The following WDCP variants were observed in gnomAD, a reference collection of about 807,000 sequenced individuals.
WDCP encodes WD repeat and coiled-coil-containing protein.
Under a neutral mutation model 41.6 loss-of-function variants are expected in WDCP, and 19 were observed. The observed-to-expected ratio is 0.46, with a 90% CI of 0.32 to 0.67. The LOEUF (loss-of-function observed/expected upper bound fraction) is 0.67, where lower values mean the gene tolerates loss of function less well. Ranked by LOEUF, WDCP falls within the 30% of genes least tolerant of loss-of-function variation. The pLI, the probability that WDCP is intolerant of heterozygous loss-of-function variation, is 0.04. For missense variants in WDCP, 802 were observed against 850.7 expected (o/e 0.94, Z 0.71); for synonymous variants, 302 against 320.8 (o/e 0.94, Z 0.63).
In WDCP at chr2:24,030,771, G is replaced by A. The variant is rs1439224863; in HGVS notation, c.*162C>T. ...AGACTGAGCTCTGCTACACAGCAGC[G>A]AGCCTCAGCTCAGGGGAAACAGGGG... On this transcript the variant is annotated 3_prime_UTR_variant, in exon 4 of 4. Coordinates refer to ENST00000295148, the MANE Select transcript of WDCP (RefSeq NM_025203.3). 1.3e-5 allele frequency: 8 copies of A among 614,772 alleles called. 1 individual carries two copies. The highest frequency in any genetic ancestry group is 6.0e-5 in the Admixed American group (2 of 33,436). 38.1% of individuals were successfully genotyped at this position (614,772 alleles called of 1,614,324 possible). A position where few individuals can be genotyped will look rare whatever the true frequency, so the allele number is the denominator to read the frequency against.
Position 24,037,709 on chromosome 2 carries a change from G to C in WDCP, c.1786C>G (p.Gln596Glu). 1 of 1,613,572 alleles carries C rather than the reference G, an allele frequency of 6.2e-7. No homozygotes were observed. The highest frequency in any genetic ancestry group is 8.5e-7 in the Non-Finnish European group (1 of 1,179,860). ...ATGATGTGAACATAAGGAAGATCTT[G>C]AGAGAGTGGATACACTGAAGAGGAT... ...KKSSSVYPLS[Q>E]DLPYVHIIYQ... is the part of the protein sequence containing the mutation. The change falls in exon 2 of 4, where the codon CAA becomes GAA. Residue 596 changes from glutamine (Q) to glutamate (E), a missense_variant. Transcript: ENST00000295148.
chr2:24,046,571 C>T (rs1663632808), intron 1 of WDCP, among the ~76,000 whole-genome samples: 1 of 152,196 alleles, frequency 6.6e-6, no homozygotes, highest in South Asian at 2.1e-4. Flanking sequence ...AAAGACAACT[C>T]ATGACGAGAA....
chr2:24,040,642 A>G (rs1211127900), intron 1 of WDCP, among the ~76,000 whole-genome samples: 1 of 152,262 alleles, frequency 6.6e-6, no homozygotes. Context: ...TTTTAAAATA[A>G]TGTAAAGTAG....
chr2:24,035,176 A>C (rs1228170575), intron 2 of WDCP, among the ~76,000 whole-genome samples: 1 of 151,862 alleles, frequency 6.6e-6, no homozygotes, highest in African/African-American at 2.4e-5. Flanking sequence ...CAACAAGTAT[A>C]TATTACTTTT....
Position 24,040,811 on chromosome 2 carries a change from G to T in WDCP, c.-18-1299C>A, listed in dbSNP as rs141220738. Among the ~76,000 whole-genome samples the T allele has an allele frequency of 3.2e-3, 482 of 152,246 alleles. 1 individual carries two copies. The highest frequency in any genetic ancestry group is 0.011 in the African/African-American group (463 of 41,532). ...ACGGGAGGATCACCTGAGGTTGGGA[G>T]TTCGATCCCAGCCTGACCAACATGC... is the stretch of plus-strand genomic sequence containing the variant. On this transcript the variant is annotated intron_variant, in intron 1 of 3. Transcript: ENST00000295148.
chr2:24,039,096 A>T lies in WDCP; in HGVS notation c.399T>A (p.Ala133=), dbSNP rs1274895687. The change falls in exon 2 of 4, where the codon GCT becomes GCA. Residue 133 remains alanine (A), a synonymous_variant. Transcript: ENST00000295148. ...PKCAILTVLT[A]QDVSIFPNVH... ...CATTAGGGAAAATGGAGACATCCTG[A>T]GCAGTCAACACAGTCAGAATAGCAC... The T allele has an allele frequency of 1.2e-6, 2 of 1,614,218 alleles. No individual in the cohort carries two copies. Among genetic ancestry groups the T allele is most frequent in the Non-Finnish European group, 1.7e-6 (2 of 1,180,040 alleles).
In WDCP at chr2:24,039,189, C is replaced by T. The variant is rs748886296; in HGVS notation, c.306G>A (p.Thr102=). The T allele has an allele frequency of 1.1e-5, 17 of 1,614,110 alleles. No homozygotes were observed. The African/African-American group carries it at 1.2e-4, about 11-fold the overall frequency. ...PSPMESSKWL[T]SQTCEIRGSL... is the part of the protein sequence containing the mutation. ...ATCCTCTAATCTCACAAGTCTGAGA[C>T]GTCAGCCATTTGCTTGACTCCATAG... is the stretch of plus-strand genomic sequence containing the variant. Residue 102 remains threonine (T), a synonymous_variant, in exon 2 of 4, where the codon ACG becomes ACA. Coordinates refer to ENST00000295148, the MANE Select transcript of WDCP (RefSeq NM_025203.3).
intron 2 of WDCP, among the ~76,000 whole-genome samples, chr2:24,036,051 G>A (rs1663243033): frequency 6.9e-6 from 1 of 145,408 alleles, no homozygotes; most frequent in Admixed American, 6.9e-5. Context: ...CCTGGTGACA[G>A]AGACTCCGTC....
At chr2:24,034,730 C>T (rs892544097) in intron 2 of WDCP, among the ~76,000 whole-genome samples, 5 of 151,876 alleles carry the variant, frequency 3.3e-5, no homozygotes, top group Admixed American at 1.3e-4. Flanking sequence ...GGTGCCATCA[C>T]GGCTGGCTAA....
intron 1 of WDCP, 71 bp from the exon 2 acceptor site, chr2:24,039,583 A>G: frequency 7.1e-7 from 1 of 1,407,286 alleles, no homozygotes; most frequent in South Asian, 1.3e-5. Context: ...ACATTTGGTA[A>G]GACAACGGCT....
chr2:24,043,491 T>TAAAAC (rs70944709), intron 1 of WDCP, among the ~76,000 whole-genome samples: 46,107 of 151,010 alleles, frequency 0.31, 7,869 homozygotes, highest in African/African-American at 0.47. Flanking sequence ...TGTCTCTACT[T>TAAAAC]AAAACAAAAC....
chr2:24,042,184 G>A (rs377299840), intron 1 of WDCP, among the ~76,000 whole-genome samples: 31 of 151,910 alleles, frequency 2.0e-4, no homozygotes, highest in African/African-American at 7.0e-4. Flanking sequence ...GGCAGATCAC[G>A]TGAGGTCAGG....
At position 24,030,407 on chromosome 2, in the gene WDCP, C is replaced by T. The variant is rs1273602761; in HGVS notation, c.*526G>A. 3 of 152,302 alleles carry T rather than the reference C, an allele frequency of 2.0e-5. No homozygotes were observed. The highest frequency in any genetic ancestry group is 4.4e-5 in the Non-Finnish European group (3 of 68,130). The allele number at this position is 152,302 out of a possible 1,614,324, so 9.4% of individuals were successfully genotyped here. A position where few individuals can be genotyped will look rare whatever the true frequency, so the allele number is the denominator to read the frequency against. On this transcript the variant is annotated 3_prime_UTR_variant, in exon 4 of 4. Coordinates refer to ENST00000295148, the MANE Select transcript of WDCP (RefSeq NM_025203.3). ...GGTCCAGGCAACATCAGAGCCACTTCCTGTTCCTGAGAGCAGAAGCCAGTG... is the reference window on the plus strand; with the variant it reads ...GGTCCAGGCAACATCAGAGCCACTTTCTGTTCCTGAGAGCAGAAGCCAGTG...
Position 24,032,955 on chromosome 2 carries a change from A to G in WDCP, c.1819-9T>C. On this transcript the variant is annotated splice_polypyrimidine_tract_variant and intron_variant, in intron 2 of 3. Coordinates refer to ENST00000295148, the MANE Select transcript of WDCP (RefSeq NM_025203.3). ...CCTAGATAATAAGGTTTCTGCAAATAAAAAATAAAAGTTGTTAAACTGATT... is the reference window on the plus strand; with the variant it reads ...CCTAGATAATAAGGTTTCTGCAAATGAAAAATAAAAGTTGTTAAACTGATT... 6 of 1,519,740 alleles carry G rather than the reference A, an allele frequency of 3.9e-6. No individual in the cohort carries two copies. The highest frequency in any genetic ancestry group is 5.5e-6 in the Non-Finnish European group (6 of 1,095,482). The allele number at this position is 1,519,740 out of a possible 1,614,324, so 94.1% of individuals were successfully genotyped here.
intron 3 of WDCP, among the ~76,000 whole-genome samples, chr2:24,031,741 G>T (rs1375510443): frequency 6.6e-6 from 1 of 151,776 alleles, no homozygotes; most frequent in Non-Finnish European, 1.5e-5. Context: ...CAGGAGAATC[G>T]CTTGAACCCA....
chr2:24,039,945 C>T (rs1286827825), intron 1 of WDCP, among the ~76,000 whole-genome samples: 14 of 151,994 alleles, frequency 9.2e-5, no homozygotes, highest in Admixed American at 8.5e-4. Flanking sequence ...TTACAGGTGC[C>T]TGCCACCAGG....
chr2:24,034,574 CTTTT>C (rs70944707), intron 2 of WDCP, among the ~76,000 whole-genome samples: 2 of 138,062 alleles, frequency 1.4e-5, no homozygotes, highest in Admixed American at 7.4e-5. Flanking sequence ...GGCAACAAAA[CTTTT>C]TTTTTTTTTT....
intron 1 of WDCP, among the ~76,000 whole-genome samples, chr2:24,043,162 C>T (rs1241102855): frequency 2.0e-5 from 3 of 151,938 alleles, no homozygotes; most frequent in African/African-American, 4.8e-5. Flanking sequence ...GGCGAAACCT[C>T]GTCTCTACTA....
At chr2:24,032,506 AAAAC>A (rs1288204758) in intron 3 of WDCP, among the ~76,000 whole-genome samples, 8 of 152,220 alleles carry the variant, frequency 5.3e-5, no homozygotes, top group South Asian at 4.2e-4. Context: ...CCATCTCCAA[AAAAC>A]AAACAAACAA....
Sources: allele counts gnomAD v4.1 joint callset (sites outside exome capture counted in the v4.1 genomes callset), GRCh38; gene constraint gnomAD v4.1.1; transcripts MANE v1.5; gene names NCBI Gene and HGNC (gene_info 2026-07-23, HGNC 2026-07-21).